The following LDB2 variants were observed in gnomAD, a reference collection of about 807,000 sequenced individuals.
LDB2 encodes the protein LIM domain binding 2, also known as LIM domain-binding protein 2.
In LDB2, 12 loss-of-function variants were observed where a neutral mutation model predicts 44.3. That is an observed-to-expected ratio of 0.27 (90% CI 0.17 to 0.44). The LOEUF is 0.44. LDB2 is among the 20% of genes least tolerant of loss of function. The pLI, the probability that LDB2 is intolerant of heterozygous loss-of-function variation, is 1.00. For synonymous variants in LDB2, 164 were observed against 174.8 expected (o/e 0.94, Z 0.49); for missense variants, 344 against 473.5 (o/e 0.73, Z 2.54).
At chr4:16,556,737 C>G (rs934010333) in intron 5 of LDB2, among the ~76,000 whole-genome samples, 5 of 152,134 alleles carry the variant, frequency 3.3e-5, no homozygotes, top group African/African-American at 1.2e-4. Context: ...AATATAACAA[C>G]AGAAAACATG....
At chr4:16,530,169 A>T (rs944937173) in intron 5 of LDB2, among the ~76,000 whole-genome samples, 12 of 152,204 alleles carry the variant, frequency 7.9e-5, no homozygotes, top group Non-Finnish European at 1.5e-4. Flanking sequence ...ACAGTTTTAC[A>T]GTAGGGACAG....
rs537722837 is a variant in LDB2, at chr4:16,563,016, C to T, written c.615+22906G>A. ...TCACTCATAGGTGGGAATTGAACAA[C>T]GAGAACACATGGACACAGGAAGGGG... is the stretch of plus-strand genomic sequence containing the variant. On this transcript the variant is annotated intron_variant, in intron 5 of 7. Transcript: ENST00000304523. Among the ~76,000 whole-genome samples the T allele has an allele frequency of 4.0e-3, 582 of 146,972 alleles. 8 individuals are homozygous for T. The highest frequency in any genetic ancestry group is 0.013 in the African/African-American group (501 of 39,532).
At chr4:16,611,331 C>T (rs557805337) in intron 2 of LDB2, among the ~76,000 whole-genome samples, 5 of 152,202 alleles carry the variant, frequency 3.3e-5, no homozygotes, top group Admixed American at 3.3e-4. Flanking sequence ...AACCAAATGG[C>T]AGCATGATGA....
intron 5 of LDB2, among the ~76,000 whole-genome samples, chr4:16,516,740 C>CT (rs1381552843): frequency 6.6e-6 from 1 of 152,148 alleles, no homozygotes; most frequent in Non-Finnish European, 1.5e-5. Context: ...AGCAACATTT[C>CT]TTTTTCAGGT....
chr4:16,504,542 T>TATTTA (rs1003379448), intron 7 of LDB2, among the ~76,000 whole-genome samples: 29 of 152,312 alleles, frequency 1.9e-4, no homozygotes, highest in African/African-American at 7.0e-4. Context: ...TTCCAAGATT[T>TATTTA]ATTTATTTAT....
intron 1 of LDB2, among the ~76,000 whole-genome samples, chr4:16,827,089 C>G (rs190953368): frequency 6.6e-6 from 1 of 152,310 alleles, no homozygotes; most frequent in Admixed American, 6.5e-5. Context: ...TTCATCATTA[C>G]ATCCTGCCAC....
intron 2 of LDB2, among the ~76,000 whole-genome samples, chr4:16,634,049 T>C (rs1732830793): frequency 6.6e-6 from 1 of 152,144 alleles, no homozygotes; most frequent in South Asian, 2.1e-4. Flanking sequence ...TTGGGAAAAC[T>C]GGCTAGCCAT....
At position 16,559,089 on chromosome 4, in the gene LDB2, G is replaced by A. The variant is rs1020796092; in HGVS notation, c.615+26833C>T. Among the ~76,000 whole-genome samples, 11 of 152,228 alleles carry A rather than the reference G, an allele frequency of 7.2e-5. No homozygotes were observed. In the East Asian group the frequency reaches 9.6e-4, roughly 13 times the overall value. On this transcript the variant is annotated intron_variant, in intron 5 of 7. Coordinates refer to ENST00000304523, the MANE Select transcript of LDB2 (RefSeq NM_001290.5). The stretch of plus-strand genomic sequence containing the variant: ...GCACTAAACATGGAAAAGAACAACC[G>A]GTACCAGCCACTGCAAAATCATGCC...
At chr4:16,546,188 A>G (rs1234395896) in intron 5 of LDB2, among the ~76,000 whole-genome samples, 1 of 152,194 alleles carries the variant, frequency 6.6e-6, no homozygotes, top group Non-Finnish European at 1.5e-5. Flanking sequence ...CTATTTCACC[A>G]TTGATATTAG....
chr4:16,618,445 G>C (rs1231444152), intron 2 of LDB2, among the ~76,000 whole-genome samples: 1 of 152,196 alleles, frequency 6.6e-6, no homozygotes, highest in Non-Finnish European at 1.5e-5. Flanking sequence ...TAATAAGAGT[G>C]ATGCCTTGTA....
intron 2 of LDB2, among the ~76,000 whole-genome samples, chr4:16,698,657 T>C (rs1752739013): frequency 2.6e-5 from 4 of 152,254 alleles, no homozygotes; most frequent in Admixed American, 2.6e-4. Flanking sequence ...AAATTTGTTT[T>C]ATAATTCACA....
chr4:16,578,681 A>G (rs1712909309), intron 5 of LDB2, among the ~76,000 whole-genome samples: 1 of 152,164 alleles, frequency 6.6e-6, no homozygotes, highest in Admixed American at 6.5e-5. Flanking sequence ...ATAATCCAGC[A>G]ATCCAACTCC....
intron 1 of LDB2, among the ~76,000 whole-genome samples, chr4:16,880,530 T>A (rs1401097149): frequency 1.3e-5 from 2 of 152,156 alleles, no homozygotes; most frequent in Non-Finnish European, 2.9e-5. Context: ...GTCTGCATGG[T>A]GCTTATAGTT....
intron 1 of LDB2, among the ~76,000 whole-genome samples, chr4:16,777,174 C>T (rs1772113124): frequency 6.6e-6 from 1 of 152,028 alleles, no homozygotes; most frequent in South Asian, 2.1e-4. Flanking sequence ...TAGCCTAGCC[C>T]CCTCCCACAG....
At chr4:16,598,949 C>A (rs1420361109) in intron 2 of LDB2, among the ~76,000 whole-genome samples, 1 of 151,002 alleles carries the variant, frequency 6.6e-6, no homozygotes, top group African/African-American at 2.4e-5. Context: ...TAGAGAAATC[C>A]TGACCACTGC....
At chr4:16,551,875 A>G (rs1737808336) in intron 5 of LDB2, among the ~76,000 whole-genome samples, 1 of 152,196 alleles carries the variant, frequency 6.6e-6, no homozygotes, top group African/African-American at 2.4e-5. Flanking sequence ...GGAACACAGT[A>G]CATCTGAGTT....
chr4:16,645,046 C>T (rs1736311534), intron 2 of LDB2, among the ~76,000 whole-genome samples: 1 of 152,216 alleles, frequency 6.6e-6, no homozygotes, highest in South Asian at 2.1e-4. Flanking sequence ...AAATCACCCC[C>T]TGCCCAACTC....
chr4:16,687,670 C>T (rs749349184), intron 2 of LDB2, among the ~76,000 whole-genome samples: 1 of 152,116 alleles, frequency 6.6e-6, no homozygotes, highest in Non-Finnish European at 1.5e-5. Context: ...ATGTGCTATA[C>T]TCATCCAATG....
intron 2 of LDB2, among the ~76,000 whole-genome samples, chr4:16,732,706 A>T (rs923324736): frequency 6.6e-6 from 1 of 152,226 alleles, no homozygotes; most frequent in African/African-American, 2.4e-5. Flanking sequence ...AGCTGAGATG[A>T]TTTCTCATCT....
Sources: gnomAD v4.1 joint callset for allele counts (sites outside exome capture counted in the v4.1 genomes callset) on GRCh38, gnomAD v4.1.1 for gene constraint, MANE v1.5 for transcripts, NCBI Gene and HGNC (gene_info 2026-07-23, HGNC 2026-07-21) for gene names.